ADAM22: variants seen among roughly 807,000 people sequenced by gnomAD.
ADAM22 encodes disintegrin and metalloproteinase domain-containing protein 22.
ADAM22 carries 65 observed loss-of-function variants against 144.6 expected under a neutral mutation model. The ratio of observed to expected loss-of-function variants is 0.45; its 90% CI spans 0.37 to 0.55. The LOEUF is 0.55. Among genes scored for constraint, ADAM22 ranks in the 20% least tolerant of loss-of-function variants. The pLI, the probability that ADAM22 is intolerant of heterozygous loss-of-function variation, is 0.00. For synonymous variants in ADAM22, 391 were observed against 412.6 expected (o/e 0.95, Z 0.63); for missense variants, 974 against 1,184.9 (o/e 0.82, Z 2.61).
At position 88,151,338 on chromosome 7, in the gene ADAM22, C is replaced by T. The variant is rs373910420; in HGVS notation, c.1681+18C>T. Reference sequence around the variant, plus strand: ...GGGGCAAAGTAAGTAAATAGTGTGGCTTGATCATTGTTAAAGCATGATGTC... The same window carrying T: ...GGGGCAAAGTAAGTAAATAGTGTGGTTTGATCATTGTTAAAGCATGATGTC... On this transcript the variant is annotated intron_variant, in intron 20 of 31. Transcript: ENST00000413139. The T allele has an allele frequency of 1.2e-6, 2 of 1,613,624 alleles. No individual in the cohort carries two copies. The highest frequency in any genetic ancestry group is 8.5e-7 in the Non-Finnish European group (1 of 1,179,750).
chr7:87,949,130 C>T (rs548234825), intron 2 of ADAM22, among the ~76,000 whole-genome samples: 1 of 152,138 alleles, frequency 6.6e-6, no homozygotes, highest in Non-Finnish European at 1.5e-5. Context: ...AAATTCTTTC[C>T]TCCTCTTCCT....
intron 2 of ADAM22, among the ~76,000 whole-genome samples, chr7:87,971,233 A>T (rs1850376796): frequency 6.6e-6 from 1 of 152,198 alleles, no homozygotes; most frequent in African/African-American, 2.4e-5. Context: ...TCTTCTAAAA[A>T]TGCTCTTTAG....
At chr7:88,132,507 G>A (rs1349193034) in intron 11 of ADAM22, 1 of 190,256 alleles carries the variant, frequency 5.3e-6, no homozygotes, top group African/African-American at 2.4e-5. Flanking sequence ...AAGAGTATAG[G>A]CCAATTATTT....
At chr7:88,167,004 C>T (rs1843107215) in intron 24 of ADAM22, among the ~76,000 whole-genome samples, 1 of 152,118 alleles carries the variant, frequency 6.6e-6, no homozygotes, top group South Asian at 2.1e-4. Context: ...CCACAGAGGA[C>T]CTGGCAGGTT....
At chr7:88,185,821 C>T (rs1295435149) in intron 29 of ADAM22, 1 of 152,182 alleles carries the variant, frequency 6.6e-6, no homozygotes, top group Non-Finnish European at 1.5e-5. Context: ...CATTATTATT[C>T]TCTGGCAGTC....
intron 5 of ADAM22, among the ~76,000 whole-genome samples, chr7:88,111,369 GT>G (rs61627434): frequency 0.56 from 83,772 of 149,142 alleles, 24,140 homozygotes; most frequent in East Asian, 0.9. Context: ...AGTGCGTACT[GT>G]TTTTTTTTTC....
At chr7:88,187,090 T>C (rs1369016796) in intron 30 of ADAM22, among the ~76,000 whole-genome samples, 1 of 152,198 alleles carries the variant, frequency 6.6e-6, no homozygotes, top group Non-Finnish European at 1.5e-5. Flanking sequence ...TTTTTCCTAC[T>C]TACTGCCTAA....
At chr7:88,160,481 A>G (rs1172548041) in intron 22 of ADAM22, among the ~76,000 whole-genome samples, 1 of 152,170 alleles carries the variant, frequency 6.6e-6, no homozygotes, top group Non-Finnish European at 1.5e-5. Context: ...TACAGTAACC[A>G]AAACAGCATG....
chr7:87,953,243 G>A (rs1393926231), intron 2 of ADAM22, among the ~76,000 whole-genome samples: 3 of 151,854 alleles, frequency 2.0e-5, no homozygotes, highest in Non-Finnish European at 4.4e-5. Context: ...TAGGGTGTCA[G>A]TATTGGATCT....
intron 3 of ADAM22, among the ~76,000 whole-genome samples, chr7:88,014,713 C>G (rs2129460704): frequency 6.6e-6 from 1 of 152,270 alleles, no homozygotes; most frequent in South Asian, 2.1e-4. Flanking sequence ...AAGAATTTGC[C>G]ACATCAAACT....
chr7:88,175,772 G>T (rs1237151343), intron 26 of ADAM22, among the ~76,000 whole-genome samples: 5 of 152,114 alleles, frequency 3.3e-5, no homozygotes, highest in Non-Finnish European at 7.4e-5. Flanking sequence ...GGAAAAAGAA[G>T]TTTGATTTAA....
chr7:88,010,139 C>T (rs754470402), intron 3 of ADAM22, among the ~76,000 whole-genome samples: 2 of 152,016 alleles, frequency 1.3e-5, no homozygotes, highest in African/African-American at 2.4e-5. Flanking sequence ...CTTGGTGAGC[C>T]TACTTCTGGC....
intron 1 of ADAM22, 29 bp downstream of exon 1, chr7:87,934,579 G>C: frequency 6.3e-7 from 1 of 1,590,734 alleles, no homozygotes; most frequent in Middle Eastern, 1.7e-4. Context: ...GTGCCTTTGG[G>C]CCATACCATT....
chr7:88,051,700 T>TA (rs1228063640), intron 3 of ADAM22, among the ~76,000 whole-genome samples: 5 of 151,798 alleles, frequency 3.3e-5, no homozygotes, highest in South Asian at 2.1e-4. Flanking sequence ...TAAAGTATAA[T>TA]AATAAATAAA....
chr7:88,105,203 C>T (rs1014031526), intron 4 of ADAM22, among the ~76,000 whole-genome samples: 8 of 152,040 alleles, frequency 5.3e-5, no homozygotes, highest in African/African-American at 1.4e-4. Context: ...CCATAATTCT[C>T]GAGAATTTTT....
At chr7:87,945,801 C>T (rs1361624482) in intron 2 of ADAM22, among the ~76,000 whole-genome samples, 1 of 152,138 alleles carries the variant, frequency 6.6e-6, no homozygotes, top group Non-Finnish European at 1.5e-5. Context: ...GCGTGAACCA[C>T]CACGCCCGGC....
chr7:87,973,505 T>G (rs561932956), intron 2 of ADAM22, among the ~76,000 whole-genome samples: 3,484 of 151,992 alleles, frequency 0.023, 136 homozygotes, highest in African/African-American at 0.079. Flanking sequence ...GTAAACTAGT[T>G]CAACCATTGT....
rs1231378584 is a variant in ADAM22 at position 88,109,283 on chromosome 7, A to C, written c.473+1025A>C. ...TGCTTCCTTTCTCATAACCTTCTCT[A>C]TCAAATAATGTTTGCTGATGTTTAA... is the stretch of plus-strand genomic sequence containing the variant. On this transcript the variant is annotated intron_variant, in intron 5 of 31. Coordinates refer to ENST00000413139, the MANE Select transcript of ADAM22 (RefSeq NM_001324418.2). Among the ~76,000 whole-genome samples, 8 of 152,184 alleles carry C rather than the reference A, an allele frequency of 5.3e-5. No individual in the cohort carries two copies. In the South Asian group the frequency reaches 1.7e-3, roughly 32 times the overall value.
At position 88,198,748 on chromosome 7, in the gene ADAM22, C is replaced by G. The variant is rs1016628815; in HGVS notation, c.*2257C>G. The G allele has an allele frequency of 1.1e-4, 17 of 152,116 alleles. No homozygotes were observed. The highest frequency in any genetic ancestry group is 4.1e-4 in the African/African-American group (17 of 41,416). The allele number at this position is 152,116 out of a possible 1,614,324, so 9.4% of individuals were successfully genotyped here. On this transcript the variant is annotated 3_prime_UTR_variant, in exon 32 of 32. Coordinates refer to ENST00000413139, the MANE Select transcript of ADAM22 (RefSeq NM_001324418.2). ...AGATCTCTATCATTCGTCTGTGTGTCTTTCTTCCCTCACCTATTTTTACAT... is the reference window on the plus strand; with the variant it reads ...AGATCTCTATCATTCGTCTGTGTGTGTTTCTTCCCTCACCTATTTTTACAT...
Sources: gnomAD v4.1 joint callset for allele counts (sites outside exome capture counted in the v4.1 genomes callset) on GRCh38, gnomAD v4.1.1 for gene constraint, MANE v1.5 for transcripts, NCBI Gene and HGNC (gene_info 2026-07-23, HGNC 2026-07-21) for gene names.